GALNT13: variants seen among roughly 807,000 people sequenced by gnomAD.
GALNT13 encodes the protein polypeptide N-acetylgalactosaminyltransferase 13.
GALNT13 carries 28 observed loss-of-function variants against 64.2 expected under a neutral mutation model. That is an observed-to-expected ratio of 0.44 (90% CI 0.32 to 0.60). GALNT13 has a LOEUF of 0.60. Ranked by LOEUF, GALNT13 falls within the 20% of genes least tolerant of loss-of-function variation. The pLI is 0.05. For synonymous variants in GALNT13, 214 were observed against 224.6 expected (o/e 0.95, Z 0.42); for missense variants, 577 against 669.8 (o/e 0.86, Z 1.53).
the GALNT13 span, among the ~76,000 whole-genome samples, chr2:153,285,703 G>C: frequency 1.3e-5 from 2 of 151,990 alleles, no homozygotes; most frequent in African/African-American, 4.8e-5. Context: ...CAAAACAATA[G>C]AGGCAATGCT....
At chr2:153,219,510 C>T in the GALNT13 span, among the ~76,000 whole-genome samples, 1 of 152,170 alleles carries the variant, frequency 6.6e-6, no homozygotes, top group Non-Finnish European at 1.5e-5. Flanking sequence ...TTAGAATTGC[C>T]TCTTCTGCAC....
At chr2:153,658,483 A>C in the GALNT13 span, among the ~76,000 whole-genome samples, 11 of 152,232 alleles carry the variant, frequency 7.2e-5, 1 homozygote, top group African/African-American at 9.6e-5. Flanking sequence ...TTCCCCAACT[A>C]TAGCAGGGTC....
the GALNT13 span, among the ~76,000 whole-genome samples, chr2:153,633,949 T>G: frequency 1.3e-5 from 2 of 152,198 alleles, no homozygotes; most frequent in African/African-American, 4.8e-5. Context: ...CTGACTTAAA[T>G]TCTACAGACC....
At chr2:154,238,084 T>TA (rs1463475246) in intron 4 of GALNT13, among the ~76,000 whole-genome samples, 1 of 151,976 alleles carries the variant, frequency 6.6e-6, no homozygotes, top group Non-Finnish European at 1.5e-5. Flanking sequence ...TCATACCAGA[T>TA]CTACTGAATC....
At chr2:153,074,830 G>T in the GALNT13 span, among the ~76,000 whole-genome samples, 35 of 152,172 alleles carry the variant, frequency 2.3e-4, no homozygotes, top group African/African-American at 7.9e-4. Context: ...AAACTCCTAG[G>T]CTCCAGCGAT....
chr2:153,636,693 G>C, the GALNT13 span, among the ~76,000 whole-genome samples: 1 of 152,114 alleles, frequency 6.6e-6, no homozygotes, highest in Non-Finnish European at 1.5e-5. Flanking sequence ...AGTAGGGCCA[G>C]GGCTCTTACT....
the GALNT13 span, among the ~76,000 whole-genome samples, chr2:153,844,147 C>A: frequency 1.3e-5 from 2 of 152,184 alleles, no homozygotes; most frequent in Non-Finnish European, 2.9e-5. Flanking sequence ...CATGTCCCCT[C>A]CACATTGCTT....
At chr2:153,682,638 C>A in the GALNT13 span, among the ~76,000 whole-genome samples, 1 of 151,738 alleles carries the variant, frequency 6.6e-6, no homozygotes, top group African/African-American at 2.4e-5. Context: ...GCGACTTTGT[C>A]ATGAAATTTG....
the GALNT13 span, among the ~76,000 whole-genome samples, chr2:153,275,835 CAG>C: frequency 1.3e-5 from 2 of 151,124 alleles, no homozygotes; most frequent in Non-Finnish European, 3.0e-5. Flanking sequence ...GGTTGAAGAA[CAG>C]AAAAAAAAAG....
chr2:154,053,039 C>T (rs937551949), intron 3 of GALNT13, among the ~76,000 whole-genome samples: 1 of 152,094 alleles, frequency 6.6e-6, no homozygotes, highest in Non-Finnish European at 1.5e-5. Context: ...CGTGCCTGGC[C>T]AGAATTGACT....
the GALNT13 span, among the ~76,000 whole-genome samples, chr2:153,712,771 A>G: frequency 6.6e-6 from 1 of 152,300 alleles, no homozygotes; most frequent in South Asian, 2.1e-4. Flanking sequence ...CTCATCTACT[A>G]TCATTATGAA....
the GALNT13 span, among the ~76,000 whole-genome samples, chr2:153,864,312 G>A: frequency 6.6e-6 from 1 of 152,086 alleles, no homozygotes; most frequent in Admixed American, 6.6e-5. Flanking sequence ...AAAACATGGA[G>A]AGAAAAGGTC....
chr2:153,956,979 G>T (rs943791212), intron 3 of GALNT13, among the ~76,000 whole-genome samples: 2 of 152,008 alleles, frequency 1.3e-5, no homozygotes, highest in Non-Finnish European at 2.9e-5. Flanking sequence ...CCATTTTAAA[G>T]CCTATATCAG....
chr2:153,290,440 A>G, the GALNT13 span, among the ~76,000 whole-genome samples: 11 of 152,192 alleles, frequency 7.2e-5, no homozygotes, highest in African/African-American at 2.7e-4. Flanking sequence ...TATTAAAGAA[A>G]TTTGGTGGCA....
the GALNT13 span, among the ~76,000 whole-genome samples, chr2:153,142,031 ACAT>A: frequency 6.6e-6 from 1 of 152,082 alleles, no homozygotes. Flanking sequence ...GTTGAGAGAG[ACAT>A]CATGAAGCGT....
chr2:153,434,083 G>C, the GALNT13 span, among the ~76,000 whole-genome samples: 1 of 152,046 alleles, frequency 6.6e-6, no homozygotes, highest in African/African-American at 2.4e-5. Context: ...TGCGGTGTTT[G>C]GTTTTTTGTC....
intron 1 of GALNT13, among the ~76,000 whole-genome samples, chr2:153,878,176 ATT>A (rs1242010612): frequency 6.6e-6 from 1 of 152,256 alleles, no homozygotes; most frequent in Non-Finnish European, 1.5e-5. Context: ...AAAAGTGGAT[ATT>A]TTAACACCAA....
chr2:154,004,631 G>A (rs1176654897), intron 3 of GALNT13, among the ~76,000 whole-genome samples: 1 of 152,162 alleles, frequency 6.6e-6, no homozygotes, highest in Non-Finnish European at 1.5e-5. Context: ...TCGACAGCTA[G>A]TATCTCAGTC....
At chr2:154,256,377 G>C (rs1194340310) in intron 7 of GALNT13, among the ~76,000 whole-genome samples, 1 of 152,156 alleles carries the variant, frequency 6.6e-6, no homozygotes, top group Non-Finnish European at 1.5e-5. Context: ...AAGGGAAGAA[G>C]AAATTCCTGA....
Sources: allele counts gnomAD v4.1 joint callset (sites outside exome capture counted in the v4.1 genomes callset), GRCh38; gene constraint gnomAD v4.1.1; transcripts MANE v1.5; gene names NCBI Gene and HGNC (gene_info 2026-07-23, HGNC 2026-07-21).